FGF14: variants seen among roughly 807,000 people sequenced by gnomAD.
FGF14 encodes fibroblast growth factor homologous factor 4.
FGF14 carries 5 observed loss-of-function variants against 25.5 expected under a neutral mutation model. That is an observed-to-expected ratio of 0.20 (90% CI 0.10 to 0.41). The LOEUF (loss-of-function observed/expected upper bound fraction) is 0.41. Ranked by LOEUF, FGF14 falls within the 10% of genes least tolerant of loss-of-function variation. The pLI, the probability that FGF14 is intolerant of heterozygous loss-of-function variation, is 1.00. For synonymous variants in FGF14, 138 were observed against 118.3 expected (o/e 1.17, Z -1.08); for missense variants, 222 against 320.1 (o/e 0.69, Z 2.34).
chr13:102,398,715 A>T (rs1384391089), intron 1 of FGF14, among the ~76,000 whole-genome samples: 1 of 151,982 alleles, frequency 6.6e-6, no homozygotes. Context: ...AACCTGCAAA[A>T]GATTTTAGGC....
intron 1 of FGF14, among the ~76,000 whole-genome samples, chr13:102,349,745 T>C (rs1268412400): frequency 6.6e-6 from 1 of 152,206 alleles, no homozygotes; most frequent in Non-Finnish European, 1.5e-5. Flanking sequence ...TACCTAAATA[T>C]AACATATTAT....
At chr13:102,345,339 A>G (rs1047196051) in intron 1 of FGF14, among the ~76,000 whole-genome samples, 4 of 152,244 alleles carry the variant, frequency 2.6e-5, no homozygotes, top group African/African-American at 9.6e-5. Flanking sequence ...CTATTTCTAT[A>G]AAGCAAATGC....
At chr13:102,117,466 T>C (rs1056825274) in intron 1 of FGF14, among the ~76,000 whole-genome samples, 3 of 152,150 alleles carry the variant, frequency 2.0e-5, no homozygotes, top group African/African-American at 7.2e-5. Flanking sequence ...CTCGGCTTCG[T>C]AGAGGAATCA....
chr13:101,758,717 A>G (rs991344494), intron 3 of FGF14, among the ~76,000 whole-genome samples: 2 of 152,182 alleles, frequency 1.3e-5, no homozygotes. Flanking sequence ...AGTCCATGAA[A>G]GGATGTAACA....
At chr13:102,112,073 A>C (rs1385878748) in intron 1 of FGF14, among the ~76,000 whole-genome samples, 1 of 151,436 alleles carries the variant, frequency 6.6e-6, no homozygotes, top group Non-Finnish European at 1.5e-5. Flanking sequence ...TATTATTAGC[A>C]TTTATTAAGC....
intron 1 of FGF14, among the ~76,000 whole-genome samples, chr13:101,887,320 A>G (rs1301860394): frequency 7.8e-6 from 1 of 128,390 alleles, no homozygotes; most frequent in African/African-American, 3.1e-5. Flanking sequence ...TATTTCATAT[A>G]TATGTGTGTA....
intron 1 of FGF14, among the ~76,000 whole-genome samples, chr13:102,022,072 C>T (rs528567842): frequency 6.6e-6 from 1 of 152,048 alleles, no homozygotes; most frequent in Non-Finnish European, 1.5e-5. Flanking sequence ...CTAATTCTAC[C>T]TTACTTCATG....
rs566905998 is a variant in FGF14, at chr13:102,133,934, ATC to A, written c.209-258640_209-258639del. 1.9e-4 allele frequency among the ~76,000 whole-genome samples: 29 copies of A among 152,302 alleles called. No individual in the cohort carries two copies. In the East Asian group the frequency reaches 5.4e-3, roughly 28 times the overall value. ...AAACTGACACGCTTCACTTTTCTTG[ATC>A]TCTTTCTACAAAACACACAAATTAA... On this transcript the variant is annotated intron_variant, in intron 1 of 4. Coordinates refer to the FGF14 transcript ENST00000376131.
chr13:102,093,008 A>G (rs2044234674), intron 1 of FGF14, among the ~76,000 whole-genome samples: 1 of 152,186 alleles, frequency 6.6e-6, no homozygotes, highest in South Asian at 2.1e-4. Context: ...ATACATGTGT[A>G]TTTTTATTCG....
chr13:102,143,801 T>C (rs1447563879), intron 1 of FGF14, among the ~76,000 whole-genome samples: 2 of 152,146 alleles, frequency 1.3e-5, no homozygotes, highest in African/African-American at 4.8e-5. Flanking sequence ...TTGCTTCCTT[T>C]TGGTGGAGTG....
At chr13:101,772,903 C>A (rs1190958042) in intron 3 of FGF14, among the ~76,000 whole-genome samples, 1 of 152,060 alleles carries the variant, frequency 6.6e-6, no homozygotes, top group East Asian at 1.9e-4. Flanking sequence ...TATTTTTAAT[C>A]ATTTATTTGG....
chr13:102,302,370 T>C (rs1267030382), intron 1 of FGF14, among the ~76,000 whole-genome samples: 2 of 152,126 alleles, frequency 1.3e-5, no homozygotes, highest in East Asian at 3.9e-4. Flanking sequence ...TCCCATCAGA[T>C]GTTTTTCCAG....
intron 1 of FGF14, among the ~76,000 whole-genome samples, chr13:102,056,820 TA>T (rs2042451640): frequency 6.7e-6 from 1 of 149,368 alleles, no homozygotes; most frequent in South Asian, 2.1e-4. Context: ...TATATTTATA[TA>T]AAATATAATG....
intron 1 of FGF14, among the ~76,000 whole-genome samples, chr13:102,278,031 G>A (rs2053630794): frequency 1.3e-5 from 2 of 152,132 alleles, no homozygotes; most frequent in Non-Finnish European, 2.9e-5. Context: ...TGTGGTCTTT[G>A]AAGAGCCTCA....
chr13:102,263,568 C>G (rs1441521379), intron 1 of FGF14, among the ~76,000 whole-genome samples: 6 of 152,152 alleles, frequency 3.9e-5, no homozygotes, highest in Non-Finnish European at 1.5e-5. Flanking sequence ...AAAACATATA[C>G]TTAGTTCACT....
intron 3 of FGF14, among the ~76,000 whole-genome samples, chr13:101,751,462 G>A (rs759975538): frequency 6.6e-6 from 1 of 152,066 alleles, no homozygotes; most frequent in Non-Finnish European, 1.5e-5. Flanking sequence ...TGCTGCAAAG[G>A]CTCCCCCACT....
chr13:101,936,632 C>T (rs982156536), intron 1 of FGF14, among the ~76,000 whole-genome samples: 1 of 152,138 alleles, frequency 6.6e-6, no homozygotes, highest in Admixed American at 6.5e-5. Context: ...CAAGTCAGCA[C>T]CAGAAATATA....
chr13:102,109,719 A>C (rs933649358), intron 1 of FGF14, among the ~76,000 whole-genome samples: 8 of 152,098 alleles, frequency 5.3e-5, no homozygotes, highest in African/African-American at 1.9e-4. Context: ...TCCCAGGTTC[A>C]AGAGGTTCTC....
At chr13:102,347,793 C>T (rs989071173) in intron 1 of FGF14, among the ~76,000 whole-genome samples, 3 of 151,970 alleles carry the variant, frequency 2.0e-5, no homozygotes, top group Non-Finnish European at 2.9e-5. Flanking sequence ...ACTTTTAACC[C>T]GAAATTCGAA....
Sources: allele counts gnomAD v4.1 joint callset (sites outside exome capture counted in the v4.1 genomes callset), GRCh38; gene constraint gnomAD v4.1.1; transcripts MANE v1.5; gene names NCBI Gene and HGNC (gene_info 2026-07-23, HGNC 2026-07-21).